The following ANO2 variants were observed in gnomAD, a reference collection of about 807,000 sequenced individuals.
ANO2 encodes the protein anoctamin 2, also known as anoctamin-2.
In ANO2, 101 loss-of-function variants were observed where a neutral mutation model predicts 124.2. The observed-to-expected ratio is 0.81, with a 90% CI of 0.69 to 0.96. The LOEUF (loss-of-function observed/expected upper bound fraction) is 0.96, where lower values mean the gene tolerates loss of function less well. Ranked by LOEUF, ANO2 falls within the 40% of genes least tolerant of loss-of-function variation. The probability of loss-of-function intolerance (pLI) is 0.00; values close to 1 mark genes in which losing one functional copy is unlikely to be tolerated. For missense variants in ANO2, 1,293 were observed against 1,274.5 expected, an observed-to-expected ratio of 1.01 and a Z score of -0.22; for synonymous variants, 486 against 482.5, an observed-to-expected ratio of 1.01 and a Z score of -0.09.
chr12:5,835,552 C>G (rs1172353013), intron 4 of ANO2, among the ~76,000 whole-genome samples: 2 of 152,162 alleles, frequency 1.3e-5, no homozygotes, highest in Non-Finnish European at 2.9e-5. Flanking sequence ...TACTTTAGTG[C>G]TAATCTTAAA....
chr12:5,606,290 G>C (rs911135684), intron 19 of ANO2, among the ~76,000 whole-genome samples: 1 of 152,144 alleles, frequency 6.6e-6, no homozygotes, highest in Non-Finnish European at 1.5e-5. Context: ...CCTTGGGAAG[G>C]AGTTATTTAG....
chr12:5,625,108 C>T (rs1222332098), intron 16 of ANO2, among the ~76,000 whole-genome samples: 42 of 152,126 alleles, frequency 2.8e-4, no homozygotes, highest in Non-Finnish European at 4.4e-5. Context: ...ACAGGAAGTA[C>T]AACGGGAAGC....
Position 5,854,093 on chromosome 12 carries a change from C to A in ANO2, c.583G>T (p.Val195Leu), listed in dbSNP as rs369587213. Residue 195 changes from valine (V) to leucine (L), a missense_variant, in exon 4 of 25, where the codon GTG becomes TTG. Coordinates refer to ENST00000682330, the MANE Select transcript of ANO2 (RefSeq NM_001364791.2). Reference sequence around the variant, plus strand: ...AAGAATTCTGCCTCTCTGGCCAGCACCTGCCACGGGGCGTGTATCCGGACA... The same window carrying A: ...AAGAATTCTGCCTCTCTGGCCAGCAACTGCCACGGGGCGTGTATCCGGACA... ...IFVRIHAPWQVLAREAEFLKI... is the reference protein window; with the variant it reads ...IFVRIHAPWQLLAREAEFLKI... 1 of 1,613,690 alleles carries A rather than the reference C, an allele frequency of 6.2e-7. No homozygotes were observed. Among genetic ancestry groups the A allele is most frequent in the Non-Finnish European group, 8.5e-7 (1 of 1,179,688 alleles).
intron 14 of ANO2, among the ~76,000 whole-genome samples, chr12:5,716,950 C>G (rs1382238606): frequency 1.3e-5 from 2 of 152,186 alleles, no homozygotes; most frequent in African/African-American, 4.8e-5. Context: ...ATAAATGAAA[C>G]CATGATGCAG....
chr12:5,631,110 G>C (rs1323298580), intron 16 of ANO2, among the ~76,000 whole-genome samples: 1 of 152,172 alleles, frequency 6.6e-6, no homozygotes, highest in African/African-American at 2.4e-5. Context: ...ATGCAACCAA[G>C]ATATTGAGAT....
At chr12:5,765,895 CAGA>C (rs1311617929) in intron 10 of ANO2, among the ~76,000 whole-genome samples, 5 of 152,140 alleles carry the variant, frequency 3.3e-5, no homozygotes, top group African/African-American at 1.2e-4. Flanking sequence ...GAAAAATGAA[CAGA>C]AGACTAGAAT....
intron 14 of ANO2, among the ~76,000 whole-genome samples, chr12:5,713,923 C>T (rs1001919289): frequency 6.6e-6 from 1 of 152,176 alleles, no homozygotes; most frequent in Non-Finnish European, 1.5e-5. Context: ...CACCTCAGGC[C>T]CTCCCTCTAT....
intron 3 of ANO2, among the ~76,000 whole-genome samples, chr12:5,914,162 T>C (rs1387738302): frequency 6.6e-6 from 1 of 151,390 alleles, no homozygotes; most frequent in Admixed American, 6.6e-5. Context: ...ATTGCGCTAC[T>C]GCACTCCAGC....
intron 14 of ANO2, among the ~76,000 whole-genome samples, chr12:5,711,832 T>C (rs1226278461): frequency 6.6e-6 from 1 of 152,200 alleles, no homozygotes; most frequent in Non-Finnish European, 1.5e-5. Context: ...AAGGCCCTCC[T>C]TTGGATATTC....
intron 3 of ANO2, among the ~76,000 whole-genome samples, chr12:5,873,205 CT>C: frequency 2.5e-5 from 1 of 39,354 alleles, no homozygotes; most frequent in African/African-American, 9.7e-5. Context: ...AGCTCTCTCT[CT>C]CTCTCTCTCT....
chr12:5,575,849 T>C lies in ANO2; in HGVS notation c.2606A>G (p.Glu869Gly). 1 of 1,613,940 alleles carries C rather than the reference T, an allele frequency of 6.2e-7. No homozygotes were observed. The highest frequency in any genetic ancestry group is 8.5e-7 in the Non-Finnish European group (1 of 1,179,862). The change falls in exon 23 of 25, where the codon GAG becomes GGG. Residue 869 changes from glutamate (E) to glycine (G), a missense_variant. Transcript: ENST00000682330. ...ATTACTTTACCTGCAGAACTGAACC[T>C]CCTGGTCAAACTGTGAGTTTTCTGG... is the stretch of plus-strand genomic sequence containing the variant. ...TQPENSQFDQ[E>G]VQFCRFKDYR...
chr12:5,866,671 T>C (rs1173906649), intron 3 of ANO2, among the ~76,000 whole-genome samples: 7 of 152,160 alleles, frequency 4.6e-5, no homozygotes, highest in Non-Finnish European at 7.4e-5. Flanking sequence ...ATGTGCAGCA[T>C]GTAGAGACCA....
At chr12:5,924,625 T>C (rs1019583239) in intron 1 of ANO2, among the ~76,000 whole-genome samples, 1 of 152,224 alleles carries the variant, frequency 6.6e-6, no homozygotes, top group Admixed American at 6.5e-5. Flanking sequence ...GACGCTGCCT[T>C]TCCTTTTGTT....
chr12:5,621,254 G>A (rs145426849), intron 16 of ANO2, among the ~76,000 whole-genome samples: 16 of 152,258 alleles, frequency 1.1e-4, no homozygotes, highest in Admixed American at 2.0e-4. Flanking sequence ...ATTGCCAGAT[G>A]TGCTCTACTA....
At chr12:5,607,761 G>A (rs1591721381) in intron 19 of ANO2, among the ~76,000 whole-genome samples, 1 of 152,306 alleles carries the variant, frequency 6.6e-6, no homozygotes, top group East Asian at 1.9e-4. Context: ...GATCTAGGTT[G>A]TGTGCTCCTT....
Position 5,750,975 on chromosome 12 carries a change from A to G in ANO2, c.1056-5T>C. The G allele has an allele frequency of 6.3e-7, 1 of 1,582,034 alleles. No individual in the cohort carries two copies. Among genetic ancestry groups the G allele is most frequent in the Non-Finnish European group, 8.6e-7 (1 of 1,163,758 alleles). ...ATTTTTTCTCCAAAATACTTTCTGGAAAAGAAAGAAAAGAAAATGAAACAC... is the reference window on the plus strand; with the variant it reads ...ATTTTTTCTCCAAAATACTTTCTGGGAAAGAAAGAAAAGAAAATGAAACAC... On this transcript the variant is annotated splice_region_variant and splice_polypyrimidine_tract_variant and intron_variant, in intron 10 of 24. Coordinates refer to ENST00000682330, the MANE Select transcript of ANO2 (RefSeq NM_001364791.2).
chr12:5,732,994 T>A, intron 13 of ANO2: 1 of 1,182,120 alleles, frequency 8.5e-7, no homozygotes, highest in Non-Finnish European at 1.3e-6. Flanking sequence ...ATATCCCTGG[T>A]CATCCCACCA....
At chr12:5,759,286 G>A (rs573894502) in intron 10 of ANO2, among the ~76,000 whole-genome samples, 1 of 152,076 alleles carries the variant, frequency 6.6e-6, no homozygotes, top group Non-Finnish European at 1.5e-5. Context: ...AAGATTGAAA[G>A]AGAAAAATTT....
chr12:5,645,417 G>C (rs1246194701), intron 15 of ANO2, among the ~76,000 whole-genome samples: 3 of 147,742 alleles, frequency 2.0e-5, no homozygotes, highest in Middle Eastern at 3.2e-3. Flanking sequence ...CCATGGTCGT[G>C]TGTGTGTGAA....
Sources: gnomAD v4.1 joint callset for allele counts (sites outside exome capture counted in the v4.1 genomes callset) on GRCh38, gnomAD v4.1.1 for gene constraint, MANE v1.5 for transcripts, NCBI Gene and HGNC (gene_info 2026-07-23, HGNC 2026-07-21) for gene names.